Variants in POFUT3 observed in about 807,000 individuals in gnomAD.
POFUT3 encodes protein O-fucosyltransferase 3, also known as GDP-fucose protein O-fucosyltransferase 3.
At chr8:33,332,959 T>C in the POFUT3 span, among the ~76,000 whole-genome samples, 1 of 152,228 alleles carries the variant, frequency 6.6e-6, no homozygotes, top group East Asian at 1.9e-4. Context: ...TGAGCTTGTA[T>C]AGAAGCCAAT....
chr8:33,360,636 A>G, the POFUT3 span, among the ~76,000 whole-genome samples: 6 of 152,112 alleles, frequency 3.9e-5, no homozygotes, highest in African/African-American at 1.4e-4. Flanking sequence ...GGCTTAACCA[A>G]TAGCGCCTCT....
the POFUT3 span, among the ~76,000 whole-genome samples, chr8:33,359,903 G>A: frequency 0.038 from 5,764 of 152,064 alleles, 222 homozygotes; most frequent in East Asian, 0.1. Flanking sequence ...TTCCTCAGGA[G>A]GCTGAGACAA....
At chr8:33,386,834 C>T in the POFUT3 span, among the ~76,000 whole-genome samples, 2 of 152,072 alleles carry the variant, frequency 1.3e-5, no homozygotes, top group Non-Finnish European at 2.9e-5. Flanking sequence ...TTTACCAACG[C>T]CAGCATACCC....
At chr8:33,467,830 G>T in the POFUT3 span, among the ~76,000 whole-genome samples, 9 of 152,210 alleles carry the variant, frequency 5.9e-5, no homozygotes, top group African/African-American at 1.4e-4. Flanking sequence ...TGGCCATTCA[G>T]GCCAGTTGAA....
the POFUT3 span, among the ~76,000 whole-genome samples, chr8:33,450,007 G>A: frequency 1.4e-5 from 2 of 141,530 alleles, no homozygotes; most frequent in East Asian, 2.1e-4. Context: ...GTGCAATCTC[G>A]GCTCACTGCA....
the POFUT3 span, among the ~76,000 whole-genome samples, chr8:33,375,522 A>G: frequency 2.0e-5 from 3 of 152,170 alleles, no homozygotes; most frequent in African/African-American, 7.2e-5. Flanking sequence ...TAAACAATCA[A>G]CAAAGACTGA....
the POFUT3 span, among the ~76,000 whole-genome samples, chr8:33,429,785 C>T: frequency 1.3e-5 from 2 of 151,976 alleles, no homozygotes; most frequent in Admixed American, 1.3e-4. Context: ...CACTTGAGGC[C>T]AGGAGTTTGA....
At chr8:33,412,685 T>C in the POFUT3 span, among the ~76,000 whole-genome samples, 15 of 152,344 alleles carry the variant, frequency 9.8e-5, 1 homozygote, top group African/African-American at 3.6e-4. Flanking sequence ...TGGAGTGCAG[T>C]GGCACAATCT....
At chr8:33,352,195 A>T in the POFUT3 span, among the ~76,000 whole-genome samples, 1 of 152,162 alleles carries the variant, frequency 6.6e-6, no homozygotes, top group Non-Finnish European at 1.5e-5. Flanking sequence ...TAGCCATGAA[A>T]TTTCACACGC....
the POFUT3 span, among the ~76,000 whole-genome samples, chr8:33,443,458 A>G: frequency 3.9e-5 from 6 of 152,118 alleles, no homozygotes; most frequent in Non-Finnish European, 7.4e-5. Context: ...TATCTAAATA[A>G]CATGCTTACT....
the POFUT3 span, among the ~76,000 whole-genome samples, chr8:33,340,908 G>T: frequency 6.6e-6 from 1 of 152,088 alleles, no homozygotes; most frequent in Non-Finnish European, 1.5e-5. Context: ...GACTACAGAA[G>T]AACACAACAC....
At chr8:33,453,300 C>G in the POFUT3 span, 3 of 1,614,216 alleles carry the variant, frequency 1.9e-6, no homozygotes, top group Non-Finnish European at 1.7e-6. Context: ...CCACATTGGC[C>G]TAACCTCCCA....
chr8:33,318,523 A>C, the POFUT3 span, among the ~76,000 whole-genome samples: 1 of 123,974 alleles, frequency 8.1e-6, no homozygotes, highest in Non-Finnish European at 1.6e-5. Flanking sequence ...TATGATTATA[A>C]TAATCATAAT....
chr8:33,437,389 T>TAA, the POFUT3 span, among the ~76,000 whole-genome samples: 5 of 141,624 alleles, frequency 3.5e-5, no homozygotes, highest in Non-Finnish European at 3.1e-5. Context: ...AATAACAAAT[T>TAA]AAAAAAAAAA....
chr8:33,411,137 G>T, the POFUT3 span, among the ~76,000 whole-genome samples: 2 of 152,132 alleles, frequency 1.3e-5, no homozygotes, highest in Non-Finnish European at 2.9e-5. Context: ...TGTTGAGTTT[G>T]CATGAAAGGA....
chr8:33,389,361 C>T, the POFUT3 span: 1 of 1,614,170 alleles, frequency 6.2e-7, no homozygotes, highest in Non-Finnish European at 8.5e-7. Flanking sequence ...TTATACTGTG[C>T]AATGATCCTA....
chr8:33,365,099 A>C, the POFUT3 span, among the ~76,000 whole-genome samples: 1 of 152,216 alleles, frequency 6.6e-6, no homozygotes, highest in Non-Finnish European at 1.5e-5. Flanking sequence ...CTCAGAAATA[A>C]CACCACACAT....
chr8:33,348,186 A>AAT, the POFUT3 span, among the ~76,000 whole-genome samples: 2 of 147,638 alleles, frequency 1.4e-5, no homozygotes, highest in Non-Finnish European at 3.0e-5. Flanking sequence ...AAAAAAAAAA[A>AAT]AAGGCCATCT....
chr8:33,425,567 G>T, the POFUT3 span, among the ~76,000 whole-genome samples: 1 of 151,960 alleles, frequency 6.6e-6, no homozygotes, highest in Non-Finnish European at 1.5e-5. Flanking sequence ...GATGTTAGAA[G>T]GGACCTGAAG....
Sources: gnomAD v4.1 joint callset for allele counts (sites outside exome capture counted in the v4.1 genomes callset) on GRCh38, gnomAD v4.1.1 for gene constraint, MANE v1.5 for transcripts, NCBI Gene and HGNC (gene_info 2026-07-23, HGNC 2026-07-21) for gene names.